Variants in WARS2 observed in about 807,000 individuals in gnomAD.
The protein encoded by WARS2 is tryptophanyl tRNA synthetase 2, mitochondrial, also known as tryptophan--tRNA ligase, mitochondrial.
In WARS2, 28 loss-of-function variants were observed where a neutral mutation model predicts 36.5. The ratio of observed to expected loss-of-function variants is 0.77; its 90% CI spans 0.57 to 1.05. The LOEUF is 1.05. WARS2 is among the 50% of genes least tolerant of loss of function. The pLI, the probability that WARS2 is intolerant of heterozygous loss-of-function variation, is 0.00. For missense variants in WARS2, 435 were observed against 456.8 expected, an observed-to-expected ratio of 0.95 and a Z score of 0.44; for synonymous variants, 174 against 178.4, an observed-to-expected ratio of 0.98 and a Z score of 0.20.
intron 2 of WARS2, among the ~76,000 whole-genome samples, chr1:119,059,157 T>A (rs1650150940): frequency 6.6e-6 from 1 of 151,806 alleles, no homozygotes; most frequent in Admixed American, 6.6e-5. Flanking sequence ...GATGGGGTTG[T>A]TTTTTTCTTG....
chr1:119,050,890 G>A (rs1649295617), intron 2 of WARS2, among the ~76,000 whole-genome samples: 1 of 152,108 alleles, frequency 6.6e-6, no homozygotes, highest in South Asian at 2.1e-4. Context: ...AAGGGAATAG[G>A]AAGGGAAAGA....
intron 1 of WARS2, among the ~76,000 whole-genome samples, chr1:119,115,948 T>G (rs1000286687): frequency 1.3e-5 from 2 of 152,194 alleles, no homozygotes; most frequent in African/African-American, 4.8e-5. Flanking sequence ...TTAGGCAGCA[T>G]TGTCTTATAG....
intron 1 of WARS2, among the ~76,000 whole-genome samples, chr1:119,089,432 T>C (rs981355409): frequency 1.3e-5 from 2 of 152,162 alleles, no homozygotes; most frequent in Non-Finnish European, 2.9e-5. Context: ...CTAGCTTGGT[T>C]ATAAACCATG....
intron 2 of WARS2, among the ~76,000 whole-genome samples, chr1:119,049,196 C>T (rs116727258): frequency 2.0e-5 from 3 of 152,198 alleles, no homozygotes; most frequent in Non-Finnish European, 1.5e-5. Flanking sequence ...GGGCAGCACA[C>T]CAGCGGGCCA....
chr1:119,087,309 C>T (rs1229966004), intron 1 of WARS2, among the ~76,000 whole-genome samples: 1 of 152,126 alleles, frequency 6.6e-6, no homozygotes, highest in African/African-American at 2.4e-5. Context: ...TTAACTGAAT[C>T]ATGACAAATC....
At chr1:119,045,707 C>T in intron 2 of WARS2, 45 bp from the exon 3 acceptor site, 1 of 1,472,958 alleles carries the variant, frequency 6.8e-7, no homozygotes, top group Non-Finnish European at 9.3e-7. Context: ...CCAGTGTTTT[C>T]TTGCATATAA....
intron 2 of WARS2, among the ~76,000 whole-genome samples, chr1:119,069,819 A>C (rs1651157152): frequency 6.6e-6 from 1 of 152,174 alleles, no homozygotes; most frequent in East Asian, 1.9e-4. Context: ...GGCAGGAGTG[A>C]AAGAGTAATT....
intron 1 of WARS2, among the ~76,000 whole-genome samples, chr1:119,094,361 T>C (rs1448356879): frequency 6.6e-6 from 1 of 152,030 alleles, no homozygotes; most frequent in Non-Finnish European, 1.5e-5. Context: ...CAATTATTGC[T>C]CTCCAAAAGG....
At chr1:119,036,206 T>G (rs1176854795) in intron 4 of WARS2, among the ~76,000 whole-genome samples, 1 of 132,226 alleles carries the variant, frequency 7.6e-6, no homozygotes, top group Non-Finnish European at 1.7e-5. Flanking sequence ...AAACTCTGCC[T>G]CGAAAAATAA....
intron 4 of WARS2, among the ~76,000 whole-genome samples, chr1:119,039,747 T>G (rs1648190342): frequency 6.6e-6 from 1 of 152,168 alleles, no homozygotes; most frequent in South Asian, 2.1e-4. Context: ...TCCTTTCTAT[T>G]ATGTTTGTTT....
At chr1:119,033,884 C>T (rs1647656913) in intron 5 of WARS2, among the ~76,000 whole-genome samples, 2 of 151,800 alleles carry the variant, frequency 1.3e-5, no homozygotes. Flanking sequence ...TTTAGTTATC[C>T]TTTTCAATAA....
At chr1:119,099,538 G>A (rs192018455) in intron 1 of WARS2, among the ~76,000 whole-genome samples, 2 of 152,300 alleles carry the variant, frequency 1.3e-5, no homozygotes, top group Admixed American at 1.3e-4. Flanking sequence ...AAAGCAATAT[G>A]GAGGAAAACG....
chr1:119,123,133 CTT>C (rs1302364241), intron 1 of WARS2, among the ~76,000 whole-genome samples: 1 of 152,180 alleles, frequency 6.6e-6, no homozygotes, highest in Admixed American at 6.5e-5. Flanking sequence ...GAGGACAAGA[CTT>C]AATACACTTA....
intron 2 of WARS2, among the ~76,000 whole-genome samples, chr1:119,048,754 C>T (rs1368957614): frequency 3.3e-5 from 5 of 152,148 alleles, no homozygotes; most frequent in Admixed American, 1.3e-4. Flanking sequence ...GCCACACCCT[C>T]GTCCTGTGCC....
At chr1:119,071,991 T>C (rs1651355044) in intron 2 of WARS2, among the ~76,000 whole-genome samples, 1 of 152,180 alleles carries the variant, frequency 6.6e-6, no homozygotes, top group African/African-American at 2.4e-5. Context: ...AAAAAAAGAC[T>C]TTTTTTCTTG....
rs114016340 is a variant in WARS2, at chr1:119,051,188, G to T, written c.349-5526C>A. ...TCTGCCCTTCTCCCTCCTCCCATTC[G>T]ACACCCTTAAGTAGGCCCCAGTGTC... On this transcript the variant is annotated intron_variant, in intron 2 of 5. Coordinates refer to ENST00000235521, the MANE Select transcript of WARS2 (RefSeq NM_015836.4). Among the ~76,000 whole-genome samples the T allele has an allele frequency of 7.9e-3, 1,194 of 151,882 alleles. 16 individuals are homozygous for T. Among genetic ancestry groups the T allele is most frequent in the African/African-American group, 0.027 (1,115 of 41,400 alleles).
chr1:119,059,836 C>G (rs1316562211), intron 2 of WARS2, among the ~76,000 whole-genome samples: 1 of 152,132 alleles, frequency 6.6e-6, no homozygotes, highest in African/African-American at 2.4e-5. Flanking sequence ...AACACAGGAA[C>G]AGAAAGCCAA....
intron 4 of WARS2, among the ~76,000 whole-genome samples, chr1:119,035,460 C>A: frequency 6.6e-6 from 1 of 151,868 alleles, no homozygotes; most frequent in African/African-American, 2.4e-5. Flanking sequence ...AACACGTATA[C>A]TAATTGATAG....
At chr1:119,132,196 C>G (rs1389023568) in intron 1 of WARS2, among the ~76,000 whole-genome samples, 1 of 152,130 alleles carries the variant, frequency 6.6e-6, no homozygotes, top group African/African-American at 2.4e-5. Context: ...GGTGGTAGAG[C>G]CAGGCCTGGC....
Sources: allele counts gnomAD v4.1 joint callset (sites outside exome capture counted in the v4.1 genomes callset), GRCh38; gene constraint gnomAD v4.1.1; transcripts MANE v1.5; gene names NCBI Gene and HGNC (gene_info 2026-07-23, HGNC 2026-07-21).